CACNG4: variants seen among roughly 807,000 people sequenced by gnomAD.
CACNG4 encodes voltage-dependent calcium channel gamma-4 subunit.
A neutral mutation model predicts 22.9 loss-of-function variants in CACNG4; 8 were observed. That is an observed-to-expected ratio of 0.35 (90% CI 0.21 to 0.63). The LOEUF is 0.63. CACNG4 is among the 30% of genes least tolerant of loss of function. The pLI is 0.72. For missense variants in CACNG4, 357 were observed against 455.4 expected (o/e 0.78, Z 1.97); for synonymous variants, 188 against 191.9 (o/e 0.98, Z 0.17).
chr17:67,020,833 G>C (rs2035527324), intron 2 of CACNG4, among the ~76,000 whole-genome samples: 1 of 152,198 alleles, frequency 6.6e-6, no homozygotes, highest in African/African-American at 2.4e-5. Flanking sequence ...ATATGTAGAA[G>C]CACAGGAGGG....
chr17:67,032,257 A>G lies in CACNG4; in HGVS notation c.*1253A>G. The G allele has an allele frequency of 3.0e-6, 1 of 331,846 alleles. No homozygotes were observed. 20.6% of individuals were successfully genotyped at this position (331,846 alleles called of 1,614,324 possible). A position where few individuals can be genotyped will look rare whatever the true frequency, so the allele number is the denominator to read the frequency against. Reference sequence around the variant, plus strand: ...GCTGAGGAAGTGGTTTCTGTGTTTTACAGTTTTTCCAGCCATTCTTTTCTT... The same window carrying G: ...GCTGAGGAAGTGGTTTCTGTGTTTTGCAGTTTTTCCAGCCATTCTTTTCTT... On this transcript the variant is annotated 3_prime_UTR_variant, in exon 4 of 4. Transcript: ENST00000262138.
chr17:67,018,229 A>G lies in CACNG4; in HGVS notation c.261A>G (p.Pro87=). 1 of 1,614,136 alleles carries G rather than the reference A, an allele frequency of 6.2e-7. No homozygotes were observed. The highest frequency in any genetic ancestry group is 2.2e-5 in the East Asian group (1 of 44,870). ...KGHCFRINHF[P]EDNDYDHDSS... is the part of the protein sequence containing the mutation. The stretch of plus-strand genomic sequence containing the variant: ...ACTGCTTCCGGATCAATCACTTCCC[A>G]GAGGACAATGACTACGACCACGACA... The change falls in exon 2 of 4, where the codon CCA becomes CCG. Residue 87 remains proline, a synonymous_variant. Transcript: ENST00000262138.
At chr17:67,018,661 C>T (rs983933684) in intron 2 of CACNG4, among the ~76,000 whole-genome samples, 1 of 152,134 alleles carries the variant, frequency 6.6e-6, no homozygotes. Flanking sequence ...GGGTGTGGCT[C>T]TCTAAGCACA....
chr17:66,979,093 G>A (rs570858810), intron 1 of CACNG4, among the ~76,000 whole-genome samples: 3 of 152,178 alleles, frequency 2.0e-5, no homozygotes, highest in East Asian at 1.9e-4. Flanking sequence ...GCTGCCATTC[G>A]CACAGTCCCA....
intron 2 of CACNG4, among the ~76,000 whole-genome samples, chr17:67,019,712 A>G (rs1406304811): frequency 1.3e-5 from 2 of 152,204 alleles, no homozygotes; most frequent in African/African-American, 4.8e-5. Flanking sequence ...GGAAAGAGGC[A>G]TTAGAGAAAC....
At chr17:67,009,911 T>C (rs1188911156) in intron 1 of CACNG4, among the ~76,000 whole-genome samples, 2 of 152,138 alleles carry the variant, frequency 1.3e-5, no homozygotes, top group Non-Finnish European at 2.9e-5. Context: ...TTCAGACTAC[T>C]GCATCCCCAC....
At chr17:67,013,925 C>T (rs1395950436) in intron 1 of CACNG4, among the ~76,000 whole-genome samples, 1 of 152,212 alleles carries the variant, frequency 6.6e-6, no homozygotes, top group East Asian at 1.9e-4. Context: ...CCTGTGCACA[C>T]ACCCCGTGCC....
intron 1 of CACNG4, among the ~76,000 whole-genome samples, chr17:67,012,608 G>A (rs534353312): frequency 6.2e-4 from 94 of 152,260 alleles, no homozygotes; most frequent in African/African-American, 2.0e-3. Flanking sequence ...CTCCCATCCC[G>A]TCCTCCACTG....
At chr17:66,994,382 G>T (rs540402928) in intron 1 of CACNG4, among the ~76,000 whole-genome samples, 1 of 151,982 alleles carries the variant, frequency 6.6e-6, no homozygotes, top group Non-Finnish European at 1.5e-5. Flanking sequence ...CATGGAAAAG[G>T]TGCCTCAGCA....
intron 1 of CACNG4, among the ~76,000 whole-genome samples, chr17:67,003,338 C>A (rs2143329221): frequency 6.6e-6 from 1 of 151,778 alleles, no homozygotes. Flanking sequence ...CAAACCCAAG[C>A]AGAATGACTT....
chr17:66,965,229 CACACACT>C, intron 1 of CACNG4, 98 bp downstream of exon 1: 24 of 750,466 alleles, frequency 3.2e-5, no homozygotes, highest in Admixed American at 6.4e-5. Flanking sequence ...CACACACGCG[CACACACT>C]GCCCGGCGCG....
At chr17:67,017,268 G>A (rs1249438048) in intron 1 of CACNG4, among the ~76,000 whole-genome samples, 1 of 152,074 alleles carries the variant, frequency 6.6e-6, no homozygotes. Flanking sequence ...GGAGAAATGG[G>A]GTTTCACCAT....
chr17:66,965,186 A>ACC, intron 1 of CACNG4, 55 bp downstream of exon 1: 1 of 843,746 alleles, frequency 1.2e-6, no homozygotes, highest in Non-Finnish European at 1.7e-6. Flanking sequence ...ACACACACAC[A>ACC]TATACACACG....
intron 1 of CACNG4, among the ~76,000 whole-genome samples, chr17:66,992,165 G>T (rs60327203): frequency 1.7e-4 from 25 of 148,686 alleles, no homozygotes; most frequent in East Asian, 7.7e-4. Flanking sequence ...GCTCCTGGGG[G>T]GGGGGGGCTG....
rs1300401329 is a variant in CACNG4 at position 67,007,608 on chromosome 17, G to A, written c.221-10581G>A. 1.3e-5 allele frequency among the ~76,000 whole-genome samples: 2 copies of A among 152,090 alleles called. 1 individual carries two copies. Among genetic ancestry groups the A allele is most frequent in the Non-Finnish European group, 2.9e-5 (2 of 68,014 alleles). ...AGCCTGGGCCAGGCTTCTCGGTGATGTGCTGTCGGAAACTCAGGACTCTTT... is the reference window on the plus strand; with the variant it reads ...AGCCTGGGCCAGGCTTCTCGGTGATATGCTGTCGGAAACTCAGGACTCTTT... On this transcript the variant is annotated intron_variant, in intron 1 of 3. Transcript: ENST00000262138.
chr17:66,983,400 C>A (rs909923834), intron 1 of CACNG4, among the ~76,000 whole-genome samples: 1 of 152,160 alleles, frequency 6.6e-6, no homozygotes, highest in Non-Finnish European at 1.5e-5. Flanking sequence ...CATGGTGACC[C>A]CAGGAATCTG....
chr17:67,026,712 TGAG>T (rs1239447941), intron 3 of CACNG4, among the ~76,000 whole-genome samples: 1 of 150,946 alleles, frequency 6.6e-6, no homozygotes, highest in Non-Finnish European at 1.5e-5. Context: ...TATGTGTGTC[TGAG>T]GAGTGTGTGT....
Position 67,031,477 on chromosome 17 carries a change from G to T in CACNG4, c.*473G>T. ...CTTGTCAGCTGCTTTTGAACCTGAG[G>T]TTCCTGCGTCGTTGAGCCAGAAATC... is the stretch of plus-strand genomic sequence containing the variant. On this transcript the variant is annotated 3_prime_UTR_variant, in exon 4 of 4. Transcript: ENST00000262138. The surrounding 1 kb of genome is among the most constrained non-coding windows in gnomAD (Gnocchi z 4.0). The T allele has an allele frequency of 2.2e-6, 1 of 458,170 alleles. No individual in the cohort carries two copies. The highest frequency in any genetic ancestry group is 4.4e-6 in the Non-Finnish European group (1 of 227,784). 28.4% of individuals were successfully genotyped at this position (458,170 alleles called of 1,614,324 possible).
intron 1 of CACNG4, among the ~76,000 whole-genome samples, chr17:66,969,166 G>A (rs1010668602): frequency 6.6e-6 from 1 of 152,324 alleles, no homozygotes; most frequent in South Asian, 2.1e-4. Flanking sequence ...AGAAGAGCCC[G>A]TGTAGACGTG....
Sources: gnomAD v4.1 joint callset for allele counts (sites outside exome capture counted in the v4.1 genomes callset) on GRCh38, gnomAD v4.1.1 for gene constraint, Gnocchi (gnomAD v3.1) non-coding constraint, MANE v1.5 for transcripts, NCBI Gene and HGNC (gene_info 2026-07-23, HGNC 2026-07-21) for gene names.